Variants in TMED3 observed in about 807,000 individuals in gnomAD.
The protein encoded by TMED3 is transmembrane emp24 domain-containing protein 3.
A neutral mutation model predicts 15.0 loss-of-function variants in TMED3; 9 were observed. The ratio of observed to expected loss-of-function variants is 0.60; its 90% CI spans 0.36 to 1.04. TMED3 has a LOEUF of 1.04. TMED3 is among the 50% of genes least tolerant of loss of function. The pLI is 0.01. For synonymous variants in TMED3, 117 were observed against 121.4 expected, an observed-to-expected ratio of 0.96 and a Z score of 0.24; for missense variants, 267 against 278.9, an observed-to-expected ratio of 0.96 and a Z score of 0.30.
chr15:79,404,677 G>A (rs928220059), intron 2 of TMED3, among the ~76,000 whole-genome samples: 1 of 152,106 alleles, frequency 6.6e-6, no homozygotes, highest in Non-Finnish European at 1.5e-5. Flanking sequence ...TTACCAATCA[G>A]CCAAAACATT....
rs1893206130 is a variant in TMED3 at position 79,365,102 on chromosome 15, A to G, written c.418-46298A>G. ...GGGGTTTGAGCAGCGGAGACGAGGG[A>G]ACAGGCGATTCACACCCCTGCTGAA... On this transcript the variant is annotated intron_variant, in intron 2 of 2. Transcript: ENST00000424155. Among the ~76,000 whole-genome samples the G allele has an allele frequency of 2.0e-5, 3 of 152,246 alleles. No individual in the cohort carries two copies. In the South Asian group the frequency reaches 6.2e-4, roughly 31 times the overall value.
chr15:79,355,364 G>A (rs1182947243), intron 2 of TMED3, among the ~76,000 whole-genome samples: 1 of 152,148 alleles, frequency 6.6e-6, no homozygotes, highest in Non-Finnish European at 1.5e-5. Context: ...AGGGTCATTT[G>A]CAACAGTGGA....
downstream of TMED3, among the ~76,000 whole-genome samples, chr15:79,325,187 G>T (rs2058783059): frequency 6.6e-6 from 1 of 152,168 alleles, no homozygotes; most frequent in South Asian, 2.1e-4. Flanking sequence ...AATGGTGTTG[G>T]CTTGCTCCAT....
intron 2 of TMED3, among the ~76,000 whole-genome samples, chr15:79,331,881 T>A (rs2135890): frequency 0.57 from 86,539 of 151,904 alleles, 24,901 homozygotes; most frequent in Middle Eastern, 0.69. Flanking sequence ...GATGGCTATT[T>A]TGAAAAAGAC....
chr15:79,410,736 A>G (rs1386347710), intron 2 of TMED3, among the ~76,000 whole-genome samples: 1 of 152,114 alleles, frequency 6.6e-6, no homozygotes, highest in Non-Finnish European at 1.5e-5. Context: ...AGATGCATGT[A>G]TATGAATAAC....
intron 2 of TMED3, among the ~76,000 whole-genome samples, chr15:79,355,704 G>A (rs1595898236): frequency 6.6e-6 from 1 of 152,132 alleles, no homozygotes; most frequent in East Asian, 1.9e-4. Flanking sequence ...GACTAGTCTC[G>A]GGATCTGGGG....
At chr15:79,335,381 T>C (rs545053601) in intron 2 of TMED3, among the ~76,000 whole-genome samples, 71 of 152,328 alleles carry the variant, frequency 4.7e-4, no homozygotes, top group African/African-American at 1.7e-3. Flanking sequence ...AGAAATCATG[T>C]GACCCCAAAC....
chr15:79,397,478 T>G (rs1396269836), intron 2 of TMED3, among the ~76,000 whole-genome samples: 3 of 152,182 alleles, frequency 2.0e-5, no homozygotes, highest in Admixed American at 1.3e-4. Context: ...CTGGCTACCA[T>G]TTTCTGGTCA....
intron 2 of TMED3, among the ~76,000 whole-genome samples, chr15:79,359,384 A>G (rs961929932): frequency 6.6e-6 from 1 of 151,876 alleles, no homozygotes; most frequent in Non-Finnish European, 1.5e-5. Context: ...AGGCACCCAC[A>G]CCATGCCTGG....
chr15:79,388,853 G>A (rs1472427874), intron 2 of TMED3, among the ~76,000 whole-genome samples: 2 of 152,064 alleles, frequency 1.3e-5, no homozygotes, highest in Admixed American at 1.3e-4. Flanking sequence ...GTGATGTTAA[G>A]TATTTTTTCT....
intron 2 of TMED3, among the ~76,000 whole-genome samples, chr15:79,330,110 A>G (rs867501243): frequency 1.3e-5 from 2 of 152,238 alleles, no homozygotes; most frequent in Non-Finnish European, 2.9e-5. Context: ...GAAAAGCTGA[A>G]CGCTTTTTCT....
chr15:79,353,246 C>T (rs56728508), intron 2 of TMED3, among the ~76,000 whole-genome samples: 2 of 39,920 alleles, frequency 5.0e-5, no homozygotes, highest in East Asian at 7.4e-4. Context: ...AATATATATA[C>T]TATATATAAT....
At chr15:79,382,129 A>G (rs1444469883) in intron 2 of TMED3, among the ~76,000 whole-genome samples, 1 of 152,194 alleles carries the variant, frequency 6.6e-6, no homozygotes, top group Non-Finnish European at 1.5e-5. Context: ...AGCTATGGAC[A>G]TGAAGATCAC....
intron 2 of TMED3, among the ~76,000 whole-genome samples, chr15:79,327,983 A>G (rs547913671): frequency 4.6e-5 from 7 of 152,204 alleles, no homozygotes; most frequent in Non-Finnish European, 8.8e-5. Context: ...AAGAGCTACA[A>G]AAGTAAATAT....
At chr15:79,381,522 C>A (rs12324719) in intron 2 of TMED3, among the ~76,000 whole-genome samples, 1 of 152,190 alleles carries the variant, frequency 6.6e-6, no homozygotes. Flanking sequence ...TCCTCTGAAC[C>A]ATTAGCACTT....
exon 3 of TMED3, chr15:79,411,611 T>C: frequency 1.5e-6 from 1 of 655,790 alleles, no homozygotes; most frequent in Non-Finnish European, 2.8e-6. Flanking sequence ...TGGGACTAGC[T>C]CCTGGTCCCC....
intron 2 of TMED3, among the ~76,000 whole-genome samples, chr15:79,386,877 T>A (rs570471330): frequency 6.6e-6 from 1 of 151,936 alleles, no homozygotes; most frequent in East Asian, 1.9e-4. Flanking sequence ...AATTTATCAA[T>A]CTTTTTTGTT....
At chr15:79,391,640 C>G (rs568489551) in intron 2 of TMED3, among the ~76,000 whole-genome samples, 1 of 152,106 alleles carries the variant, frequency 6.6e-6, no homozygotes, top group Admixed American at 6.5e-5. Context: ...CTTTCTGTCT[C>G]GATGACCTGT....
chr15:79,372,465 G>A (rs113920462), intron 2 of TMED3, among the ~76,000 whole-genome samples: 1 of 152,202 alleles, frequency 6.6e-6, no homozygotes, highest in African/African-American at 2.4e-5. Flanking sequence ...CTGAGGCTGG[G>A]TAATTTACAA....
Sources: gnomAD v4.1 joint callset for allele counts (sites outside exome capture counted in the v4.1 genomes callset) on GRCh38, gnomAD v4.1.1 for gene constraint, MANE v1.5 for transcripts, NCBI Gene and HGNC (gene_info 2026-07-23, HGNC 2026-07-21) for gene names.